TMEM131L: variants seen among roughly 807,000 people sequenced by gnomAD.
TMEM131L encodes the protein transmembrane 131 like, also known as transmembrane protein 131-like.
TMEM131L carries 54 observed loss-of-function variants against 192.2 expected under a neutral mutation model. That is an observed-to-expected ratio of 0.28 (90% CI 0.23 to 0.35). The LOEUF is 0.35. Ranked by LOEUF, TMEM131L falls within the 10% of genes least tolerant of loss-of-function variation. The pLI is 1.00. For missense variants in TMEM131L, 1,888 were observed against 1,972.9 expected, an observed-to-expected ratio of 0.96 and a Z score of 0.82; for synonymous variants, 701 against 704.9, an observed-to-expected ratio of 0.99 and a Z score of 0.09.
rs559393392 is a variant in TMEM131L at position 153,555,984 on chromosome 4, T to G, written c.432+74T>G. On this transcript the variant is annotated intron_variant, in intron 5 of 34. Transcript: ENST00000409959. The surrounding 1 kb of genome is among the most constrained non-coding windows in gnomAD (Gnocchi z 4.1). The stretch of plus-strand genomic sequence containing the variant: ...TTTTCTTGCTTTCTTTGGCCTGAAG[T>G]TTTTACTTTCTGCTCCCTGTCTCCC... 3 of 1,474,396 alleles carry G rather than the reference T, an allele frequency of 2.0e-6. No homozygotes were observed. The highest frequency in any genetic ancestry group is 1.8e-6 in the Non-Finnish European group (2 of 1,092,570). The allele number at this position is 1,474,396 out of a possible 1,614,324, so 91.3% of individuals were successfully genotyped here.
intron 25 of TMEM131L, among the ~76,000 whole-genome samples, chr4:153,608,309 A>G (rs568868354): frequency 6.6e-6 from 1 of 152,364 alleles, no homozygotes; most frequent in African/African-American, 2.4e-5. Flanking sequence ...TCAAACAACT[A>G]TCAAACAGTT....
intron 25 of TMEM131L, among the ~76,000 whole-genome samples, chr4:153,605,608 G>T (rs1732175165): frequency 6.6e-6 from 1 of 152,166 alleles, no homozygotes; most frequent in Non-Finnish European, 1.5e-5. Flanking sequence ...GCCTGCCTTG[G>T]CCTCCTAAAA....
intron 32 of TMEM131L, chr4:153,633,111 C>T (rs1306373108): frequency 3.5e-6 from 1 of 288,566 alleles, no homozygotes; most frequent in African/African-American, 2.2e-5. Flanking sequence ...ATATTAGAGG[C>T]AGATTTGAAA....
chr4:153,507,076 G>T (rs961523248), intron 3 of TMEM131L, among the ~76,000 whole-genome samples: 3 of 152,142 alleles, frequency 2.0e-5, no homozygotes, highest in African/African-American at 7.2e-5. Context: ...ACCTGTGGAA[G>T]GGAGGGGGCA....
chr4:153,571,025 AT>A (rs1039864359), intron 7 of TMEM131L, among the ~76,000 whole-genome samples: 2 of 149,426 alleles, frequency 1.3e-5, no homozygotes, highest in South Asian at 2.1e-4. Flanking sequence ...CATTCCTTTA[AT>A]TTTTTTTTAA....
intron 3 of TMEM131L, among the ~76,000 whole-genome samples, chr4:153,493,297 G>C (rs951563168): frequency 1.4e-5 from 2 of 145,146 alleles, no homozygotes; most frequent in Admixed American, 7.0e-5. Flanking sequence ...AGTGAGCGGA[G>C]ATAGTGCCAC....
At chr4:153,602,831 T>G (rs1731940736) in intron 23 of TMEM131L, 104 bp downstream of exon 23, 1 of 967,974 alleles carries the variant, frequency 1.0e-6, no homozygotes, top group African/African-American at 1.6e-5. Context: ...GTATATGAAT[T>G]GAGTGGAATT....
chr4:153,559,213 T>C (rs1728691609), intron 7 of TMEM131L, among the ~76,000 whole-genome samples: 1 of 152,180 alleles, frequency 6.6e-6, no homozygotes, highest in African/African-American at 2.4e-5. Context: ...CCAAATTAAT[T>C]TACCTCTAGG....
chr4:153,621,336 T>C (rs967339005), intron 27 of TMEM131L, among the ~76,000 whole-genome samples: 1 of 152,168 alleles, frequency 6.6e-6, no homozygotes, highest in African/African-American at 2.4e-5. Flanking sequence ...TCACCCTTGC[T>C]TCAGTCCTGC....
At position 153,603,352 on chromosome 4, in the gene TMEM131L, A is replaced by G. The variant is rs1277039807; in HGVS notation, c.2689A>G (p.Ile897Val). 3.1e-6 allele frequency: 5 copies of G among 1,613,804 alleles called. No homozygotes were observed. Among genetic ancestry groups the G allele is most frequent in the African/African-American group, 1.3e-5 (1 of 74,914 alleles). Reference sequence around the variant, plus strand: ...AATAGCCTTCCAACAAGCACAGTACATTCTCATGGAATTCATGAAAACAAG... The same window carrying G: ...AATAGCCTTCCAACAAGCACAGTACGTTCTCATGGAATTCATGAAAACAAG... Reference protein sequence around the residue: ...ILIAFQQAQYILMEFMKTRQR... With the variant: ...ILIAFQQAQYVLMEFMKTRQR... The change falls in exon 24 of 35, where the codon ATT becomes GTT. Residue 897 changes from isoleucine to valine, a missense_variant. Ile to Val is a conservative substitution (Grantham distance 29). Transcript: ENST00000409959.
At position 153,517,378 on chromosome 4, in the gene TMEM131L, C is replaced by G. The variant is rs150438121; in HGVS notation, c.240-32695C>G. On this transcript the variant is annotated intron_variant, in intron 3 of 34. Transcript: ENST00000409959. ...ACATGTTCTCTCATCCTCCCTTGCA[C>G]GGGTCCTTTACAAGGCCCTGGGCGG... Among the ~76,000 whole-genome samples, 7 of 152,306 alleles carry G rather than the reference C, an allele frequency of 4.6e-5. 1 individual carries two copies. The highest frequency in any genetic ancestry group is 1.7e-4 in the African/African-American group (7 of 41,566).
chr4:153,473,780 A>G, intron 2 of TMEM131L, 65 bp from the exon 3 acceptor site: 2 of 1,330,524 alleles, frequency 1.5e-6, no homozygotes, highest in Non-Finnish European at 2.1e-6. Context: ...TGACAGAGCG[A>G]GACTCTGTCT....
chr4:153,621,982 A>G (rs1561252167), intron 28 of TMEM131L, 133 bp downstream of exon 28: 2 of 858,446 alleles, frequency 2.3e-6, no homozygotes, highest in Non-Finnish European at 3.5e-6. Flanking sequence ...CTAAAGCCCC[A>G]GTGGAAAGCT....
chr4:153,593,691 C>T, intron 18 of TMEM131L, 108 bp from the exon 19 acceptor site: 1 of 729,448 alleles, frequency 1.4e-6, no homozygotes. Context: ...TATGTGTGTG[C>T]AAATGTACTC....
chr4:153,585,634 A>G (rs1291524770), intron 13 of TMEM131L, 23 bp downstream of exon 13: 25 of 1,548,348 alleles, frequency 1.6e-5, no homozygotes, highest in South Asian at 2.5e-5. Context: ...TTTTTTCCCC[A>G]AGTTTTAGCT....
chr4:153,586,311 G>T lies in TMEM131L; in HGVS notation c.1414G>T (p.Val472Leu). 1 of 1,604,038 alleles carries T rather than the reference G, an allele frequency of 6.2e-7. No homozygotes were observed. Among genetic ancestry groups the T allele is most frequent in the Non-Finnish European group, 8.5e-7 (1 of 1,176,348 alleles). The change falls in exon 14 of 35, where the codon GTA (valine) becomes TTA (leucine). Residue 472 changes from valine to leucine, a missense_variant. Transcript: ENST00000409959. ...CATTGCCATAAATCTATTCACCAAT[G>T]TATTTTTGACTACAAACATAGGTGC... ...KDIAINLFTN[V>L]FLTTNIGAIF...
intron 2 of TMEM131L, among the ~76,000 whole-genome samples, chr4:153,469,665 G>A (rs894065986): frequency 1.3e-5 from 2 of 152,116 alleles, no homozygotes; most frequent in Non-Finnish European, 2.9e-5. Flanking sequence ...GGTGGCTCAC[G>A]TCTGTAATCC....
rs767461944 is a variant in TMEM131L, at chr4:153,598,607, T to C, written c.2141T>C (p.Ile714Thr). 26 of 1,613,880 alleles carry C rather than the reference T, an allele frequency of 1.6e-5. No individual in the cohort carries two copies. The highest frequency in any genetic ancestry group is 1.9e-5 in the Non-Finnish European group (23 of 1,179,774). ...CACTACAGGAATAACTTGACTGTTA[T>C]TGACATGATTGGCGTGGAAGGATTT... ...LILIRNNLTV[I>T]DMIGVEGFGA... The change falls in exon 21 of 35, where the codon ATT becomes ACT. Residue 714 changes from isoleucine to threonine, a missense_variant. By Grantham distance (89) the Ile-to-Thr change is moderately conservative. Coordinates refer to ENST00000409959, the MANE Select transcript of TMEM131L (RefSeq NM_001131007.2).
intron 3 of TMEM131L, among the ~76,000 whole-genome samples, chr4:153,474,654 C>T (rs181480867): frequency 2.6e-4 from 40 of 152,340 alleles, no homozygotes; most frequent in Admixed American, 2.6e-3. Flanking sequence ...CTCCTGGGTT[C>T]AAGCAATTCT....
Sources: gnomAD v4.1 joint callset for allele counts (sites outside exome capture counted in the v4.1 genomes callset) on GRCh38, gnomAD v4.1.1 for gene constraint, Gnocchi (gnomAD v3.1) non-coding constraint, MANE v1.5 for transcripts, NCBI Gene and HGNC (gene_info 2026-07-23, HGNC 2026-07-21) for gene names.